The following PLA2G4F variants were observed in gnomAD, a reference collection of about 807,000 sequenced individuals.
PLA2G4F encodes cytosolic phospholipase A2 zeta.
In PLA2G4F, 105 loss-of-function variants were observed where a neutral mutation model predicts 103.1. That is an observed-to-expected ratio of 1.02 (90% confidence interval 0.87 to 1.20). The LOEUF is 1.20. Among genes scored for constraint, PLA2G4F ranks in the 50% most tolerant of loss-of-function variants. The pLI is 0.00. For synonymous variants in PLA2G4F, 468 were observed against 441.1 expected, an observed-to-expected ratio of 1.06 and a Z score of -0.76; for missense variants, 1,155 against 1,075.9, an observed-to-expected ratio of 1.07 and a Z score of -1.03.
chr15:42,145,471 G>C, intron 16 of PLA2G4F, 104 bp downstream of exon 16: 1 of 1,179,530 alleles, frequency 8.5e-7, no homozygotes, highest in Non-Finnish European at 1.2e-6. Context: ...GAATCCAGTG[G>C]GACAGCCAAG....
Position 42,140,920 on chromosome 15 carries a change from CT to C in PLA2G4F, c.*1063del, listed in dbSNP as rs1237292473. On this transcript the variant is annotated 3_prime_UTR_variant, in exon 20 of 20. Coordinates refer to ENST00000397272, the MANE Select transcript of PLA2G4F (RefSeq NM_213600.4). ...GAGGGCCTGGCCAGAACGGGATCTC[CT>C]CTTCACGAATCTGAGGGCTGCCCAC... The C allele has an allele frequency of 2.9e-5, 8 of 275,054 alleles. No individual in the cohort carries two copies. The highest frequency in any genetic ancestry group is 5.8e-5 in the Non-Finnish European group (8 of 137,162). The allele number at this position is 275,054 out of a possible 1,614,324, so 17.0% of individuals were successfully genotyped here.
chr15:42,155,082 C>T (rs917240171), intron 2 of PLA2G4F, among the ~76,000 whole-genome samples: 4 of 150,176 alleles, frequency 2.7e-5, no homozygotes, highest in Non-Finnish European at 4.4e-5. Context: ...ATACACAACA[C>T]GCACACACGT....
intron 17 of PLA2G4F, 131 bp downstream of exon 17, chr15:42,144,319 G>T (rs896240118): frequency 3.6e-6 from 5 of 1,399,974 alleles, no homozygotes; most frequent in Non-Finnish European, 4.9e-6. Flanking sequence ...ATTTAGAGTC[G>T]CTCCGCATCA....
intron 9 of PLA2G4F, 22 bp from the exon 10 acceptor site, chr15:42,150,163 A>C (rs1245554179): frequency 6.2e-7 from 1 of 1,613,864 alleles, no homozygotes; most frequent in South Asian, 1.1e-5. Flanking sequence ...AGCAGCCCCA[A>C]CCCTGAGTTC....
intron 13 of PLA2G4F, chr15:42,146,820 A>G (rs2048891011): frequency 6.3e-6 from 2 of 316,854 alleles, no homozygotes; most frequent in Non-Finnish European, 1.2e-5. Context: ...CCTGAGAACA[A>G]CTAAAATCAC....
At chr15:42,147,870 AT>A (rs1173294418) in intron 11 of PLA2G4F, 108 bp from the exon 12 acceptor site, 2 of 1,463,364 alleles carry the variant, frequency 1.4e-6, no homozygotes, top group African/African-American at 2.8e-5. Context: ...GTATTATCTC[AT>A]TGAATCCTCA....
At chr15:42,151,719 A>C (rs1324240928) in intron 7 of PLA2G4F, 1 of 909,678 alleles carries the variant, frequency 1.1e-6, no homozygotes, top group African/African-American at 1.8e-5. Flanking sequence ...CTATGGACTG[A>C]GATGGAGACG....
intron 17 of PLA2G4F, 141 bp downstream of exon 17, chr15:42,144,308 TA>T (rs1218270615): frequency 9.4e-6 from 13 of 1,378,962 alleles, no homozygotes; most frequent in Non-Finnish European, 1.3e-5. Flanking sequence ...CTTCCAGCAG[TA>T]TTTAGAGTCG....
At position 42,142,471 on chromosome 15, in the gene PLA2G4F, G is replaced by A. The variant is rs917992242; in HGVS notation, c.2329+57C>T. Reference sequence around the variant, plus strand: ...CCAGGGAACCCACCCTCAGAACAGCGTCCCATCACCATCCCAGGGCTCTGT... The same window carrying A: ...CCAGGGAACCCACCCTCAGAACAGCATCCCATCACCATCCCAGGGCTCTGT... On this transcript the variant is annotated intron_variant, in intron 19 of 19. Transcript: ENST00000397272. 191 of 1,529,436 alleles carry A rather than the reference G, an allele frequency of 1.2e-4. 1 individual carries two copies. Among genetic ancestry groups the A allele is most frequent in the Non-Finnish European group, 1.5e-4 (170 of 1,125,094 alleles). 94.7% of individuals were successfully genotyped at this position (1,529,436 alleles called of 1,614,324 possible).
At chr15:42,148,540 C>A in intron 11 of PLA2G4F, 1 of 898,620 alleles carries the variant, frequency 1.1e-6, no homozygotes, top group Non-Finnish European at 1.3e-6. Context: ...CTTTCCCCAG[C>A]AGCAACAATG....
At chr15:42,148,975 T>C (rs1382587985) in intron 11 of PLA2G4F, 11 of 985,236 alleles carry the variant, frequency 1.1e-5, no homozygotes, top group African/African-American at 1.7e-5. Context: ...GCCACAGTGA[T>C]AGCGTCTCCT....
rs2048818743 is a variant in PLA2G4F at position 42,140,419 on chromosome 15, G to T, written c.*1565C>A. 6.6e-6 allele frequency: 1 copy of T among 152,274 alleles called. No homozygotes were observed. The highest frequency in any genetic ancestry group is 2.4e-5 in the African/African-American group (1 of 41,466). 9.4% of individuals were successfully genotyped at this position (152,274 alleles called of 1,614,324 possible). ...GTTATTGATGACGGCAGGCACAGCAGTGTTGATGACAATGGCCACAGCAGG... is the reference window on the plus strand; with the variant it reads ...GTTATTGATGACGGCAGGCACAGCATTGTTGATGACAATGGCCACAGCAGG... On this transcript the variant is annotated 3_prime_UTR_variant, in exon 20 of 20. Transcript: ENST00000397272.
chr15:42,150,582 A>G (rs544696217), intron 8 of PLA2G4F, 26 bp downstream of exon 8: 1 of 1,596,406 alleles, frequency 6.3e-7, no homozygotes, highest in Non-Finnish European at 8.5e-7. Flanking sequence ...AGTTGGATCT[A>G]CCGACCATCC....
Position 42,144,081 on chromosome 15 carries a change from T to C in PLA2G4F, c.2039A>G (p.Asp680Gly). Residue 680 changes from aspartate to glycine, a missense_variant, in exon 18 of 20, where the codon GAC becomes GGC. This residue lies in a region of PLA2G4F where 782 missense variants were observed against 692.9 expected (regional missense o/e 1.13). Transcript: ENST00000397272. Reference sequence around the variant, plus strand: ...CGGAGAGTTGATGGCAAAGCCTCCGTCCACCAGGTACAGGCAGTCCCGCAT... The same window carrying C: ...CGGAGAGTTGATGGCAAAGCCTCCGCCCACCAGGTACAGGCAGTCCCGCAT... ...TPMRDCLYLV[D>G]GGFAINSPFP... 1 of 1,614,070 alleles carries C rather than the reference T, an allele frequency of 6.2e-7. No individual in the cohort carries two copies. The highest frequency in any genetic ancestry group is 8.5e-7 in the Non-Finnish European group (1 of 1,180,000).
chr15:42,142,429 G>GT (rs1204145344), intron 19 of PLA2G4F, 99 bp downstream of exon 19: 1 of 1,397,930 alleles, frequency 7.2e-7, no homozygotes, highest in Non-Finnish European at 9.7e-7. Flanking sequence ...ACCAGGAGGC[G>GT]TGCTTAGTGA....
rs759041438 is a variant in PLA2G4F at position 42,155,517 on chromosome 15, G to A, written c.184C>T (p.Leu62=). 3.8e-5 allele frequency: 62 copies of A among 1,613,814 alleles called. 2 individuals are homozygous for A. In the South Asian group the frequency reaches 6.3e-4, roughly 16 times the overall value. ...RATNIRGTDL[L]SKADCYVQLW... The stretch of plus-strand genomic sequence containing the variant: ...GAAGGATGGAGATGGGGTCACTCAC[G>A]CAGGTCTGTGCCCCGGATGTTTGTG... The change falls in exon 2 of 20, where the codon CTG becomes TTG. Residue 62 remains leucine (L), a splice_region_variant and synonymous_variant. Transcript: ENST00000397272.
At chr15:42,155,974 C>T (rs567430760) in intron 1 of PLA2G4F, among the ~76,000 whole-genome samples, 2 of 152,136 alleles carry the variant, frequency 1.3e-5, no homozygotes, top group African/African-American at 4.8e-5. Context: ...TGTGACACCC[C>T]CTCCCTTGCT....
intron 15 of PLA2G4F, 31 bp downstream of exon 15, chr15:42,145,735 G>C: frequency 6.2e-7 from 1 of 1,613,782 alleles, no homozygotes; most frequent in African/African-American, 1.3e-5. Flanking sequence ...CCCGGCACCT[G>C]CCTGTCCCCA....
At position 42,154,010 on chromosome 15, in the gene PLA2G4F, C is replaced by T. The variant is rs678778; in HGVS notation, c.450+82G>A. On this transcript the variant is annotated intron_variant, in intron 4 of 19. Transcript: ENST00000397272. ...TCTGCCTTGGAGGCTTGGCCTGTGC[C>T]GACCAGAGCCCCCTCTTTGGTGGCC... 0.1 allele frequency: 166,213 copies of T among 1,589,416 alleles called. 24,518 individuals are homozygous for T. Among genetic ancestry groups the T allele is most frequent in the African/African-American group, 0.63 (46,811 of 74,474 alleles).
Sources: gnomAD v4.1 joint callset for allele counts (sites outside exome capture counted in the v4.1 genomes callset) on GRCh38, gnomAD v4.1.1 for gene constraint, gnomAD v4.1.1 regional missense constraint, MANE v1.5 for transcripts, NCBI Gene and HGNC (gene_info 2026-07-23, HGNC 2026-07-21) for gene names.